FAM167A: variants seen among roughly 807,000 people sequenced by gnomAD.
The protein encoded by FAM167A is family with sequence similarity 167 member A.
A neutral mutation model predicts 14.9 loss-of-function variants in FAM167A; 23 were observed. The ratio of observed to expected loss-of-function variants is 1.55; its 90% CI spans 1.11 to 2.19. The LOEUF (loss-of-function observed/expected upper bound fraction) is 2.19. Ranked by LOEUF, FAM167A falls within the 30% of genes most tolerant of loss-of-function variation. The pLI, the probability that FAM167A is intolerant of heterozygous loss-of-function variation, is 0.00. For missense variants in FAM167A, 401 were observed against 281.5 expected, an observed-to-expected ratio of 1.42 and a Z score of -3.04; for synonymous variants, 174 against 117.7, an observed-to-expected ratio of 1.48 and a Z score of -3.10.
intron 1 of FAM167A, chr8:11,445,541 G>A (rs535443920): frequency 2.0e-6 from 2 of 985,532 alleles, no homozygotes; most frequent in Admixed American, 6.1e-5. Context: ...GAGGCTTCTC[G>A]TGTTCACCTA....
chr8:11,437,174 G>A (rs941106893), intron 2 of FAM167A, among the ~76,000 whole-genome samples: 12 of 152,154 alleles, frequency 7.9e-5, no homozygotes, highest in Admixed American at 4.6e-4. Flanking sequence ...ACCCACTGCA[G>A]GGCTTTGAGG....
At chr8:11,438,367 G>A (rs1806187627) in intron 2 of FAM167A, 1 of 446,874 alleles carries the variant, frequency 2.2e-6, no homozygotes, top group Non-Finnish European at 4.5e-6. Flanking sequence ...CAGGAATGTT[G>A]GGAGATTGAA....
At chr8:11,445,945 A>G (rs1806757974) in intron 1 of FAM167A, among the ~76,000 whole-genome samples, 1 of 148,804 alleles carries the variant, frequency 6.7e-6, no homozygotes, top group Admixed American at 6.9e-5. Context: ...AGAGTAGGCC[A>G]CCCTTGGGGT....
In FAM167A at chr8:11,430,853, T is replaced by C. The variant is rs1032045483; in HGVS notation, c.382-6217A>G. On this transcript the variant is annotated intron_variant, in intron 2 of 2. Coordinates refer to ENST00000284486, the MANE Select transcript of FAM167A (RefSeq NM_053279.3). The stretch of plus-strand genomic sequence containing the variant: ...AGGTCAGCCGAGGACATTCAGATCA[T>C]AGAAAAGTCTAATGCATCAAGCCAG... 5.9e-5 allele frequency among the ~76,000 whole-genome samples: 9 copies of C among 152,132 alleles called. No individual in the cohort carries two copies. In the East Asian group the frequency reaches 7.7e-4, roughly 13 times the overall value.
chr8:11,455,552 TG>T (rs1318440488), intron 1 of FAM167A, among the ~76,000 whole-genome samples: 1 of 126,296 alleles, frequency 7.9e-6, no homozygotes, highest in Non-Finnish European at 1.7e-5. Context: ...AGTCTGAGTG[TG>T]GGGGGTGGTT....
upstream of FAM167A, among the ~76,000 whole-genome samples, chr8:11,469,302 A>C (rs1585288331): frequency 1.3e-5 from 2 of 152,240 alleles, no homozygotes; most frequent in Admixed American, 1.3e-4. Flanking sequence ...GTTTTCTACA[A>C]TGAATCGTTT....
chr8:11,453,140 T>C (rs1333688059), intron 1 of FAM167A, among the ~76,000 whole-genome samples: 4 of 152,214 alleles, frequency 2.6e-5, no homozygotes, highest in Non-Finnish European at 5.9e-5. Context: ...CCTTCTAAAA[T>C]GCAACTCGAA....
intron 1 of FAM167A, chr8:11,445,403 C>T: frequency 3.0e-6 from 3 of 985,668 alleles, no homozygotes; most frequent in South Asian, 9.4e-5. Flanking sequence ...CTTCTTCCTC[C>T]AAGAACAACA....
intron 2 of FAM167A, among the ~76,000 whole-genome samples, chr8:11,432,895 G>T (rs1805711891): frequency 2.0e-5 from 3 of 152,170 alleles, no homozygotes; most frequent in Non-Finnish European, 4.4e-5. Context: ...AAAAAAGGAT[G>T]AGTTCATGTC....
chr8:11,437,870 G>A (rs1259535371), intron 2 of FAM167A, among the ~76,000 whole-genome samples: 1 of 148,690 alleles, frequency 6.7e-6, no homozygotes, highest in Non-Finnish European at 1.5e-5. Context: ...GGCTGCCAAG[G>A]AAGTGAGGAA....
At chr8:11,454,064 G>C (rs1807134086) in intron 1 of FAM167A, among the ~76,000 whole-genome samples, 1 of 152,226 alleles carries the variant, frequency 6.6e-6, no homozygotes. Flanking sequence ...GAAATTTCTG[G>C]AAGGAAGAAT....
At chr8:11,466,265 A>G (rs1479824362) in intron 1 of FAM167A, among the ~76,000 whole-genome samples, 3 of 152,164 alleles carry the variant, frequency 2.0e-5, no homozygotes, top group Non-Finnish European at 4.4e-5. Context: ...CTTGGAGGTC[A>G]CCAGCCGCCT....
chr8:11,461,542 G>A (rs1441229780), intron 1 of FAM167A, among the ~76,000 whole-genome samples: 2 of 152,250 alleles, frequency 1.3e-5, no homozygotes, highest in Non-Finnish European at 2.9e-5. Flanking sequence ...CCGGTACCCT[G>A]GCTATACAAA....
At chr8:11,433,150 C>T (rs1805731908) in intron 2 of FAM167A, among the ~76,000 whole-genome samples, 1 of 151,822 alleles carries the variant, frequency 6.6e-6, no homozygotes. Flanking sequence ...CATGTGTATA[C>T]CTATGTAACA....
chr8:11,449,237 C>T (rs1806922835), intron 1 of FAM167A, among the ~76,000 whole-genome samples: 1 of 152,256 alleles, frequency 6.6e-6, no homozygotes, highest in East Asian at 1.9e-4. Flanking sequence ...TTCTTCCCTC[C>T]CACTAGGCAC....
chr8:11,435,080 C>T (rs1017381147), intron 2 of FAM167A: 1 of 456,700 alleles, frequency 2.2e-6, no homozygotes, highest in African/African-American at 2.0e-5. Context: ...GCAGGTCTCC[C>T]TGCTTCTTCA....
intron 1 of FAM167A, among the ~76,000 whole-genome samples, chr8:11,465,721 G>A (rs1162628202): frequency 1.3e-5 from 2 of 152,222 alleles, no homozygotes; most frequent in African/African-American, 4.8e-5. Flanking sequence ...TGTGTCAGTG[G>A]GAAGCTGCTT....
intron 2 of FAM167A, among the ~76,000 whole-genome samples, chr8:11,439,626 G>C (rs767131756): frequency 2.6e-5 from 4 of 152,208 alleles, no homozygotes; most frequent in Admixed American, 1.3e-4. Flanking sequence ...AGGAGACTGC[G>C]GGAGGAGGGT....
At chr8:11,454,970 C>A (rs114739497) in intron 1 of FAM167A, among the ~76,000 whole-genome samples, 5,882 of 151,394 alleles carry the variant, frequency 0.039, 174 homozygotes, top group African/African-American at 0.086. Flanking sequence ...AGGGACCCTG[C>A]TGTCTAGCCC....
Sources: allele counts gnomAD v4.1 joint callset (sites outside exome capture counted in the v4.1 genomes callset), GRCh38; gene constraint gnomAD v4.1.1; transcripts MANE v1.5; gene names NCBI Gene and HGNC (gene_info 2026-07-23, HGNC 2026-07-21).